Variants in ZNF74 observed in about 807,000 individuals in gnomAD.
ZNF74 encodes the protein zinc finger protein 520.
A neutral mutation model predicts 17.7 loss-of-function variants in ZNF74; 12 were observed. That is an observed-to-expected ratio of 0.68 (90% CI 0.43 to 1.10). The LOEUF is 1.10. Ranked by LOEUF, ZNF74 falls within the 50% of genes least tolerant of loss-of-function variation. The probability of loss-of-function intolerance (pLI) is 0.00; values close to 1 mark genes in which losing one functional copy is unlikely to be tolerated. For missense variants in ZNF74, 811 were observed against 881.0 expected (o/e 0.92, Z 1.01); for synonymous variants, 358 against 362.1 (o/e 0.99, Z 0.13).
chr22:20,406,693 A>G lies in ZNF74; in HGVS notation c.1660A>G (p.Lys554Glu), dbSNP rs1489679384. 8 of 1,614,200 alleles carry G rather than the reference A, an allele frequency of 5.0e-6. No homozygotes were observed. The South Asian group carries it at 8.8e-5, about 18-fold the overall frequency. Residue 554 changes from lysine (K) to glutamate (E), a missense_variant, in exon 5 of 5, where the codon AAG (lysine) becomes GAG (glutamate). By Grantham distance (56) the Lys-to-Glu change is moderately conservative (BLOSUM62 1). Around this residue, in one of 3 missense-constraint regions of ZNF74, gnomAD observed 115 missense variants for 119.5 expected, o/e 0.96. Coordinates refer to ENST00000400451, the MANE Select transcript of ZNF74 (RefSeq NM_003426.4). ...IKHQKIHSGE[K>E]SFKCEKCGEM... ...ACATCAGAAAATCCACTCCGGGGAG[A>G]AGTCGTTTAAGTGTGAGAAATGTGG...
At chr22:20,396,025 T>C (rs1273037559) in intron 2 of ZNF74, among the ~76,000 whole-genome samples, 1 of 152,134 alleles carries the variant, frequency 6.6e-6, no homozygotes, top group African/African-American at 2.4e-5. Context: ...AGATCCCTCC[T>C]TTTACAGACT....
Position 20,400,867 on chromosome 22 carries a change from G to C in ZNF74, c.247+109G>C, listed in dbSNP as rs912756523. ...CGGCCCTGGTGCCAGATATATCATGGGGTGGGAAGCAAGGCCTGTGCCTTG... is the reference window on the plus strand; with the variant it reads ...CGGCCCTGGTGCCAGATATATCATGCGGTGGGAAGCAAGGCCTGTGCCTTG... On this transcript the variant is annotated intron_variant, in intron 3 of 4. Coordinates refer to ENST00000400451, the MANE Select transcript of ZNF74 (RefSeq NM_003426.4). 17 of 1,375,580 alleles carry C rather than the reference G, an allele frequency of 1.2e-5. No individual in the cohort carries two copies. In the East Asian group the frequency reaches 2.5e-4, roughly 20 times the overall value. The allele number at this position is 1,375,580 out of a possible 1,614,324, so 85.2% of individuals were successfully genotyped here. A position where few individuals can be genotyped will look rare whatever the true frequency, so the allele number is the denominator to read the frequency against.
chr22:20,403,773 C>T (rs2052383541), intron 4 of ZNF74, among the ~76,000 whole-genome samples: 1 of 152,116 alleles, frequency 6.6e-6, no homozygotes. Flanking sequence ...TGTCCCCGCC[C>T]TCTGCTTCCC....
intron 4 of ZNF74, among the ~76,000 whole-genome samples, chr22:20,403,281 G>A (rs1047436542): frequency 1.3e-5 from 2 of 150,358 alleles, no homozygotes; most frequent in East Asian, 2.0e-4. Flanking sequence ...TGACCATCTC[G>A]TGGGCCTCTG....
At chr22:20,405,167 C>A (rs1197067071) in intron 4 of ZNF74, among the ~76,000 whole-genome samples, 1 of 152,192 alleles carries the variant, frequency 6.6e-6, no homozygotes, top group Admixed American at 6.5e-5. Flanking sequence ...CTGGTAGCTC[C>A]TTCCGTGTTC....
intron 4 of ZNF74, among the ~76,000 whole-genome samples, chr22:20,403,174 C>G (rs2052378108): frequency 1.3e-5 from 2 of 151,910 alleles, no homozygotes; most frequent in African/African-American, 2.4e-5. Context: ...GGCCTCTTCT[C>G]TCTGCTCTGT....
chr22:20,406,226 C>A lies in ZNF74; in HGVS notation c.1193C>A (p.Thr398Asn), dbSNP rs201460461. ...TGCGGCTCCTGCGGCAAGGCCTTCA[C>A]CTGCCACTCATCCCTCACCGTGCAT... ...YQCGSCGKAF[T>N]CHSSLTVHEK... The change falls in exon 5 of 5, where the codon ACC (threonine) becomes AAC (asparagine). Residue 398 changes from threonine (T) to asparagine (N), a missense_variant. By Grantham distance (65) the Thr-to-Asn change is moderately conservative. Coordinates refer to ENST00000400451, the MANE Select transcript of ZNF74 (RefSeq NM_003426.4). 1,199 of 1,606,450 alleles carry A rather than the reference C, an allele frequency of 7.5e-4. 1 individual carries two copies. The highest frequency in any genetic ancestry group is 2.3e-3 in the Middle Eastern group (14 of 5,996).
rs2036204596 is a variant in ZNF74 at position 20,400,507 on chromosome 22, T to G, written c.121-125T>G. On this transcript the variant is annotated intron_variant, in intron 2 of 4. Transcript: ENST00000400451. ...CATGGTCAGTGTCTACAGCACAACC[T>G]TCTGGCATGGGAGAAGGTCACCTGA... The G allele has an allele frequency of 3.5e-6, 4 of 1,155,522 alleles. No homozygotes were observed. The South Asian group carries it at 3.8e-5, about 11-fold the overall frequency. 71.6% of individuals were successfully genotyped at this position (1,155,522 alleles called of 1,614,324 possible). A position where few individuals can be genotyped will look rare whatever the true frequency, so the allele number is the denominator to read the frequency against.
chr22:20,400,506 C>A, intron 2 of ZNF74, 126 bp from the exon 3 acceptor site: 1 of 1,195,254 alleles, frequency 8.4e-7, no homozygotes, highest in Non-Finnish European at 1.2e-6. Context: ...ACAGCACAAC[C>A]TTCTGGCATG....
At chr22:20,394,762 T>TC in intron 1 of ZNF74, 100 bp downstream of exon 1, 2 of 298,946 alleles carry the variant, frequency 6.7e-6, no homozygotes, top group East Asian at 1.2e-4. Flanking sequence ...ATCCAGCATC[T>TC]TTTTTTTTTT....
chr22:20,406,822 T>A lies in ZNF74; in HGVS notation c.1789T>A (p.Tyr597Asn), dbSNP rs199810912. Reference protein sequence around the residue: ...QFNKHLLSTYYVPGSLLGAGD... With the variant: ...QFNKHLLSTYNVPGSLLGAGD... ...CAACAAACACCTGCTCAGCACATAC[T>A]ACGTGCCTGGCAGCCTGCTGGGTGC... The change falls in exon 5 of 5, where the codon TAC becomes AAC. Residue 597 changes from tyrosine (Y) to asparagine (N), a missense_variant. Physicochemically the swap from Tyr to Asn is moderately radical, Grantham distance 143. This residue lies in a region of ZNF74 where 115 missense variants were observed against 119.5 expected (regional missense o/e 0.96). Transcript: ENST00000400451. 5,964 of 1,614,084 alleles carry A rather than the reference T, an allele frequency of 3.7e-3. 18 individuals are homozygous for A. Among genetic ancestry groups the A allele is most frequent in the Non-Finnish European group, 4.1e-3 (4,806 of 1,180,032 alleles).
rs368018603 is a variant in ZNF74 at position 20,406,200 on chromosome 22, G to C, written c.1167G>C (p.Gln389His). The C allele has an allele frequency of 6.2e-6, 10 of 1,611,606 alleles. No homozygotes were observed. Among genetic ancestry groups the C allele is most frequent in the Non-Finnish European group, 8.5e-6 (10 of 1,179,506 alleles). Reference sequence around the variant, plus strand: ...TCCACACGGGCGAGAAGCCCTACCAGTGCGGCTCCTGCGGCAAGGCCTTCA... The same window carrying C: ...TCCACACGGGCGAGAAGCCCTACCACTGCGGCTCCTGCGGCAAGGCCTTCA... ...HRIHTGEKPY[Q>H]CGSCGKAFTC... The change falls in exon 5 of 5, where the codon CAG becomes CAC. Residue 389 changes from glutamine to histidine, a missense_variant. This residue lies in a region of ZNF74 where 666 missense variants were observed against 702.3 expected (regional missense o/e 0.95). Coordinates refer to ENST00000400451, the MANE Select transcript of ZNF74 (RefSeq NM_003426.4).
In ZNF74 at chr22:20,406,458, C is replaced by T. The variant is rs2052429513; in HGVS notation, c.1425C>T (p.Asn475=). Residue 475 remains asparagine (N), a synonymous_variant, in exon 5 of 5, where the codon AAC becomes AAT. Coordinates refer to ENST00000400451, the MANE Select transcript of ZNF74 (RefSeq NM_003426.4). The stretch of plus-strand genomic sequence containing the variant: ...GCGGCGAGAAGCCCTTCAAGTGCAA[C>T]GAGTGCGGCAAAGCCTTCAGCTCCC... ...IHSGEKPFKC[N]ECGKAFSSHA... is the part of the protein sequence containing the mutation. 3 of 1,613,940 alleles carry T rather than the reference C, an allele frequency of 1.9e-6. No individual in the cohort carries two copies. The highest frequency in any genetic ancestry group is 2.5e-6 in the Non-Finnish European group (3 of 1,179,974).
In ZNF74 at chr22:20,400,745, C is replaced by T. The variant is rs1194237643; in HGVS notation, c.234C>T (p.Asn78=). ...YRDVMLENYQ[N]LLALGPPLHK... Reference sequence around the variant, plus strand: ...ATGTGATGTTGGAGAACTACCAGAACCTTCTTGCCCTAGGTAAAATCCCCC... The same window carrying T: ...ATGTGATGTTGGAGAACTACCAGAATCTTCTTGCCCTAGGTAAAATCCCCC... The change falls in exon 3 of 5, where the codon AAC becomes AAT. Residue 78 remains asparagine (N), a synonymous_variant. Transcript: ENST00000400451. 6.2e-7 allele frequency: 1 copy of T among 1,614,002 alleles called. No homozygotes were observed. Among genetic ancestry groups the T allele is most frequent in the Non-Finnish European group, 8.5e-7 (1 of 1,180,024 alleles).
chr22:20,407,131 A>G lies in ZNF74; in HGVS notation c.*163A>G. ...ATGCCAGGGTGCCTCCTCTAGTTAA[A>G]GTCAGTCACCTCCCCAGAAGGGCCA... On this transcript the variant is annotated 3_prime_UTR_variant, in exon 5 of 5. Coordinates refer to ENST00000400451, the MANE Select transcript of ZNF74 (RefSeq NM_003426.4). The G allele has an allele frequency of 1.7e-6, 2 of 1,149,100 alleles. No homozygotes were observed. The highest frequency in any genetic ancestry group is 2.4e-6 in the Non-Finnish European group (2 of 840,514). The allele number at this position is 1,149,100 out of a possible 1,614,324, so 71.2% of individuals were successfully genotyped here.
At position 20,400,671 on chromosome 22, in the gene ZNF74, C is replaced by G. The variant is rs768063919; in HGVS notation, c.160C>G (p.Gln54Glu). ...CAAGGATGTGGCTGTGGACTTCACC[C>G]AGGAGGAGTGGGGTCAACTAGACTC... The part of the protein sequence containing the change: ...SFKDVAVDFT[Q>E]EEWGQLDSPQ... The change falls in exon 3 of 5, where the codon CAG (glutamine) becomes GAG (glutamate). Residue 54 changes from glutamine to glutamate, a missense_variant. This residue lies in a region of ZNF74 where 666 missense variants were observed against 702.3 expected (regional missense o/e 0.95). Coordinates refer to ENST00000400451, the MANE Select transcript of ZNF74 (RefSeq NM_003426.4). 6.2e-7 allele frequency: 1 copy of G among 1,614,142 alleles called. No individual in the cohort carries two copies. The highest frequency in any genetic ancestry group is 2.2e-5 in the East Asian group (1 of 44,872).
At chr22:20,402,783 A>G (rs541628072) in intron 4 of ZNF74, among the ~76,000 whole-genome samples, 48 of 145,594 alleles carry the variant, frequency 3.3e-4, no homozygotes, top group Non-Finnish European at 6.6e-4. Context: ...TCTGGGTAAC[A>G]AGAGTGAAAT....
At chr22:20,398,200 C>G (rs948442451) in intron 2 of ZNF74, among the ~76,000 whole-genome samples, 3 of 151,860 alleles carry the variant, frequency 2.0e-5, no homozygotes, top group African/African-American at 7.3e-5. Context: ...GCCTGTAGTC[C>G]TAGCTACTCA....
At position 20,401,232 on chromosome 22, in the gene ZNF74, C is replaced by A; in HGVS notation, c.248-45C>A. On this transcript the variant is annotated intron_variant, in intron 3 of 4. Coordinates refer to ENST00000400451, the MANE Select transcript of ZNF74 (RefSeq NM_003426.4). The surrounding 1 kb of genome is among the most constrained non-coding windows in gnomAD (Gnocchi z 4.2). ...GGGCGGCCTGTAAGGTCGACTGGGC[C>A]TGGAGAGCTGCAGCATGCCCAGCCC... The A allele has an allele frequency of 7.2e-7, 1 of 1,384,608 alleles. No homozygotes were observed. The highest frequency in any genetic ancestry group is 1.2e-5 in the South Asian group (1 of 82,084). The allele number at this position is 1,384,608 out of a possible 1,614,324, so 85.8% of individuals were successfully genotyped here.
Sources: allele counts gnomAD v4.1 joint callset (sites outside exome capture counted in the v4.1 genomes callset), GRCh38; gene constraint gnomAD v4.1.1; regional missense constraint gnomAD v4.1.1; non-coding constraint Gnocchi (gnomAD v3.1); transcripts MANE v1.5; gene names NCBI Gene and HGNC (gene_info 2026-07-23, HGNC 2026-07-21).